NDUFAF1: variants seen among roughly 807,000 people sequenced by gnomAD.
NDUFAF1 encodes the protein complex I intermediate-associated protein 30, mitochondrial.
Under a neutral mutation model 28.7 loss-of-function variants are expected in NDUFAF1, and 18 were observed. The observed-to-expected ratio is 0.63, with a 90% CI of 0.43 to 0.93. NDUFAF1 has a LOEUF of 0.93. NDUFAF1 is among the 40% of genes least tolerant of loss of function. The probability of loss-of-function intolerance (pLI) is 0.00; values close to 1 mark genes in which losing one functional copy is unlikely to be tolerated. For synonymous variants in NDUFAF1, 113 were observed against 139.7 expected (o/e 0.81, Z 1.35); for missense variants, 404 against 398.3 (o/e 1.01, Z -0.12).
In NDUFAF1 at chr15:41,402,413, G is replaced by T. The variant is rs1237218363; in HGVS notation, c.-351C>A. The T allele has an allele frequency of 2.3e-6, 1 of 442,744 alleles. No individual in the cohort carries two copies. The highest frequency in any genetic ancestry group is 1.6e-5 in the South Asian group (1 of 64,158). 27.4% of individuals were successfully genotyped at this position (442,744 alleles called of 1,614,324 possible). ...AGGGCTCTGTCGCCTCCCCACACCCGGGACACACCAACCGCCGGCCTGCCG... is the reference window on the plus strand; with the variant it reads ...AGGGCTCTGTCGCCTCCCCACACCCTGGACACACCAACCGCCGGCCTGCCG... On this transcript the variant is annotated 5_prime_UTR_variant, in exon 1 of 5. Transcript: ENST00000260361.
intron 3 of NDUFAF1, among the ~76,000 whole-genome samples, chr15:41,391,698 TTTAG>T (rs1166315645): frequency 6.6e-6 from 1 of 151,940 alleles, no homozygotes; most frequent in East Asian, 1.9e-4. Context: ...ACAAAGTAAT[TTTAG>T]TTAGTGATAA....
At chr15:41,402,863 C>G (rs1420917499), upstream of NDUFAF1, among the ~76,000 whole-genome samples, 1 of 151,532 alleles carries the variant, frequency 6.6e-6, no homozygotes, top group East Asian at 1.9e-4. Context: ...TCCCGAGTAG[C>G]TGGGATTACA....
intron 1 of NDUFAF1, among the ~76,000 whole-genome samples, chr15:41,400,511 C>T (rs1424363562): frequency 1.3e-5 from 2 of 150,904 alleles, no homozygotes; most frequent in East Asian, 3.9e-4. Flanking sequence ...CTGATGAATA[C>T]CACTCCTAAT....
In NDUFAF1 at chr15:41,388,492, G is replaced by A. The variant is rs765203135; in HGVS notation, c.790C>T (p.Arg264Ter). The A allele has an allele frequency of 6.8e-6, 11 of 1,612,474 alleles. No homozygotes were observed. Among genetic ancestry groups the A allele is most frequent in the South Asian group, 3.3e-5 (3 of 91,058 alleles). ...TGCTGAACATCCCGGATTCTTCCTCGATTAGAGAAGAAAAATTTGGAAAAA... is the reference window on the plus strand; with the variant it reads ...TGCTGAACATCCCGGATTCTTCCTCAATTAGAGAAGAAAAATTTGGAAAAA... ...IPFSKFFFSN[R>*]GRIRDVQHEL... is the part of the protein sequence containing the mutation. Residue 264 changes from arginine to a stop codon, truncating the protein, a stop_gained, in exon 4 of 5, where the codon CGA (arginine) becomes TGA (stop). Transcript: ENST00000260361. LOFTEE classifies it high-confidence loss of function.
chr15:41,394,103 AC>A, intron 3 of NDUFAF1: 1 of 340,258 alleles, frequency 2.9e-6, no homozygotes, highest in South Asian at 2.1e-5. Flanking sequence ...ATCTCGGCTC[AC>A]CGAAACCTCC....
At chr15:41,395,651 T>A (rs1404864262) in intron 2 of NDUFAF1, among the ~76,000 whole-genome samples, 2 of 145,496 alleles carry the variant, frequency 1.4e-5, no homozygotes, top group Non-Finnish European at 3.0e-5. Flanking sequence ...ATTACAGGCA[T>A]GAGCCACTGC....
rs1342538219 is a variant in NDUFAF1 at position 41,395,874 on chromosome 15, G to A, written c.573+613C>T. Among the ~76,000 whole-genome samples, 7 of 151,770 alleles carry A rather than the reference G, an allele frequency of 4.6e-5. No homozygotes were observed. The East Asian group carries it at 1.4e-3, about 30-fold the overall frequency. On this transcript the variant is annotated intron_variant, in intron 2 of 4. Transcript: ENST00000260361. ...GCCAAGGGTGGGGTGGATCACCTGAGGTCAGGAGTTCAAGACCAGCCTGGC... is the reference window on the plus strand; with the variant it reads ...GCCAAGGGTGGGGTGGATCACCTGAAGTCAGGAGTTCAAGACCAGCCTGGC...
At chr15:41,401,833 G>T (rs975048867) in intron 1 of NDUFAF1, among the ~76,000 whole-genome samples, 1 of 152,154 alleles carries the variant, frequency 6.6e-6, no homozygotes, top group East Asian at 1.9e-4. Context: ...TTGATCTGAG[G>T]TCCCGGAATT....
Position 41,388,447 on chromosome 15 carries a change from C to T in NDUFAF1, c.834+1G>A. On this transcript the variant is annotated splice_donor_variant, in intron 4 of 4. Coordinates refer to ENST00000260361, the MANE Select transcript of NDUFAF1 (RefSeq NM_016013.4). LOFTEE classifies it high-confidence loss of function. ...GAGTGAAAAATACAGGAATATGTTA[C>T]CTTATCAAGCGGAAGCTCATGCTGA... 1.2e-6 allele frequency: 2 copies of T among 1,605,706 alleles called. No homozygotes were observed. Among genetic ancestry groups the T allele is most frequent in the Non-Finnish European group, 8.5e-7 (1 of 1,172,482 alleles).
In NDUFAF1 at chr15:41,394,872, C is replaced by G; in HGVS notation, c.746G>C (p.Trp249Ser). 1 of 1,613,990 alleles carries G rather than the reference C, an allele frequency of 6.2e-7. No individual in the cohort carries two copies. Among genetic ancestry groups the G allele is most frequent in the Non-Finnish European group, 8.5e-7 (1 of 1,179,986 alleles). The change falls in exon 3 of 5, where the codon TGG becomes TCG. Residue 249 changes from tryptophan to serine, a missense_variant. Physicochemically the swap from Trp to Ser is radical, Grantham distance 177 (BLOSUM62 -3). Transcript: ENST00000260361. ...YFMFTRGGPYWQEVKIPFSKF... is the reference protein window; with the variant it reads ...YFMFTRGGPYSQEVKIPFSKF... ...TTATGCTGTTACCTTGACCTCCTGC[C>G]AGTAGGGTCCCCCGCGGGTGAACAT...
intron 3 of NDUFAF1, among the ~76,000 whole-genome samples, chr15:41,389,912 T>C (rs1254656317): frequency 6.6e-6 from 1 of 152,160 alleles, no homozygotes; most frequent in Non-Finnish European, 1.5e-5. Flanking sequence ...TAGAAAACTC[T>C]GAAAACAATC....
rs144437724 is a variant in NDUFAF1, at chr15:41,394,980, C to T, written c.638G>A (p.Arg213His). The T allele has an allele frequency of 4.1e-4, 657 of 1,614,060 alleles. 1 individual carries two copies. The highest frequency in any genetic ancestry group is 5.0e-4 in the Non-Finnish European group (595 of 1,180,052). ...SQFNTLYLRV[R>H]GDGRPWMVNI... is the part of the protein sequence containing the mutation. ...CACCATCCAAGGCCGACCATCCCCA[C>T]GTACACGGAGATACAGAGTATTGAA... The change falls in exon 3 of 5, where the codon CGT becomes CAT. Residue 213 changes from arginine to histidine, a missense_variant. Coordinates refer to ENST00000260361, the MANE Select transcript of NDUFAF1 (RefSeq NM_016013.4).
chr15:41,393,121 GTTTTT>G (rs763641971), intron 3 of NDUFAF1, among the ~76,000 whole-genome samples: 2 of 123,962 alleles, frequency 1.6e-5, no homozygotes, highest in Non-Finnish European at 3.3e-5. Context: ...TTCTTGTTGA[GTTTTT>G]TTTTTTTTTT....
Position 41,402,270 on chromosome 15 carries a change from A to G in NDUFAF1, c.-208T>C. 4.4e-6 allele frequency: 2 copies of G among 454,126 alleles called. No homozygotes were observed. Among genetic ancestry groups the G allele is most frequent in the Non-Finnish European group, 8.8e-6 (2 of 226,798 alleles). The allele number at this position is 454,126 out of a possible 1,614,324, so 28.1% of individuals were successfully genotyped here. The stretch of plus-strand genomic sequence containing the variant: ...CCAAGGCTAATTTACCCGAGGTCAC[A>G]CAGGTAGTGAGTGGCAAAATTCTTC... On this transcript the variant is annotated 5_prime_UTR_variant, in exon 1 of 5. Transcript: ENST00000260361.
Position 41,392,176 on chromosome 15 carries a change from G to A in NDUFAF1, c.759+2683C>T, listed in dbSNP as rs189010528. On this transcript the variant is annotated intron_variant, in intron 3 of 4. Coordinates refer to ENST00000260361, the MANE Select transcript of NDUFAF1 (RefSeq NM_016013.4). ...CAACTTCCACTTCTCAGGTTCAAGC[G>A]ATTCTCCTGCCTCAGCCTCCTGAGG... 2.4e-4 allele frequency among the ~76,000 whole-genome samples: 36 copies of A among 150,216 alleles called. 1 individual carries two copies. The highest frequency in any genetic ancestry group is 3.4e-3 in the Middle Eastern group (1 of 294).
chr15:41,398,316 A>AC (rs572323578), intron 1 of NDUFAF1, among the ~76,000 whole-genome samples: 2 of 151,494 alleles, frequency 1.3e-5, no homozygotes, highest in African/African-American at 4.8e-5. Flanking sequence ...ACATGGTGAA[A>AC]CCCCATCTCT....
In NDUFAF1 at chr15:41,391,596, A is replaced by T. The variant is rs181340900; in HGVS notation, c.760-3074T>A. On this transcript the variant is annotated intron_variant, in intron 3 of 4. Coordinates refer to ENST00000260361, the MANE Select transcript of NDUFAF1 (RefSeq NM_016013.4). ...CACTCCAGCCTGGGCAGTAAGAGTG[A>T]GACTCCATCTTAAAAAAAAAAAAAA... is the stretch of plus-strand genomic sequence containing the variant. Among the ~76,000 whole-genome samples, 150 of 148,734 alleles carry T rather than the reference A, an allele frequency of 1.0e-3. No individual in the cohort carries two copies. The Middle Eastern group carries it at 0.014, about 14-fold the overall frequency.
At chr15:41,393,806 C>G (rs1005816225) in intron 3 of NDUFAF1, among the ~76,000 whole-genome samples, 1 of 151,924 alleles carries the variant, frequency 6.6e-6, no homozygotes, top group Non-Finnish European at 1.5e-5. Context: ...CTCTTGACCT[C>G]GTGATCTGCC....
At chr15:41,396,175 G>C (rs2050384254) in intron 2 of NDUFAF1, among the ~76,000 whole-genome samples, 1 of 151,120 alleles carries the variant, frequency 6.6e-6, no homozygotes, top group African/African-American at 2.5e-5. Context: ...TTTTTTAGAG[G>C]AGATGAAAAT....
Sources: gnomAD v4.1 joint callset for allele counts (sites outside exome capture counted in the v4.1 genomes callset) on GRCh38, gnomAD v4.1.1 for gene constraint, MANE v1.5 for transcripts, NCBI Gene and HGNC (gene_info 2026-07-23, HGNC 2026-07-21) for gene names.